The following TTN variants were observed in gnomAD, a reference collection of about 807,000 sequenced individuals.
TTN encodes the protein connectin.
A neutral mutation model predicts 3,223.0 loss-of-function variants in TTN; 1,525 were observed. That is an observed-to-expected ratio of 0.47 (90% CI 0.45 to 0.49). The LOEUF is 0.49. Ranked by LOEUF, TTN falls within the 20% of genes least tolerant of loss-of-function variation. The probability of loss-of-function intolerance (pLI) is 0.00; values close to 1 mark genes in which losing one functional copy is unlikely to be tolerated. For synonymous variants in TTN, 14,094 were observed against 15,161.0 expected (o/e 0.93, Z 5.17); for missense variants, 40,786 against 43,424.0 (o/e 0.94, Z 5.40).
Position 178,719,171 on chromosome 2 carries a change from A to C in TTN, c.24219T>G (p.Thr8073=). ...TTATCCTTGCACACTGACCTTGCACAGTCAGGACTGCTGAGCACTCATCGG... is the reference window on the plus strand; with the variant it reads ...TTATCCTTGCACACTGACCTTGCACCGTCAGGACTGCTGAGCACTCATCGG... ...AGSDECSAVL[T]VQEPPSFEQT... Residue 8073 remains threonine, a synonymous_variant, in exon 83 of 363, where the codon ACT becomes ACG. Transcript: ENST00000589042. 6.2e-7 allele frequency: 1 copy of C among 1,611,698 alleles called. No individual in the cohort carries two copies. Among genetic ancestry groups the C allele is most frequent in the Non-Finnish European group, 8.5e-7 (1 of 1,178,148 alleles).
chr2:178,613,112 G>A (rs2056651603), intron 264 of TTN, 40 bp from the exon 265 acceptor site: 1 of 1,610,884 alleles, frequency 6.2e-7, no homozygotes. Context: ...TTGTCAAAAA[G>A]GAGTTCATAT....
Position 178,573,030 on chromosome 2 carries a change from C to T in TTN, c.73102G>A (p.Asp24368Asn). The T allele has an allele frequency of 1.2e-6, 2 of 1,613,106 alleles. No individual in the cohort carries two copies. The highest frequency in any genetic ancestry group is 2.7e-5 in the African/African-American group (2 of 75,006). Residue 24368 changes from aspartate to asparagine, a missense_variant, in exon 326 of 363, where the codon GAT becomes AAT. Coordinates refer to ENST00000589042, the MANE Select transcript of TTN (RefSeq NM_001267550.2). ...GGTGGAGTGACAATCTGCCATTCAT[C>T]TTCCTCTGGCAGGGCAATCTCAACC... ...YMVEIALPEE[D>N]EWQIVTPPAG...
chr2:178,617,969 G>C lies in TTN; in HGVS notation c.47382C>G (p.Val15794=). 2 of 1,612,628 alleles carry C rather than the reference G, an allele frequency of 1.2e-6. No individual in the cohort carries two copies. The highest frequency in any genetic ancestry group is 1.7e-6 in the Non-Finnish European group (2 of 1,179,114). The change falls in exon 253 of 363, where the codon GTC becomes GTG. Residue 15794 remains valine (V), a synonymous_variant. Transcript: ENST00000589042. ...YDGGAEITNY[V]IELRDKTSIR... ...TAGAAGTCTTGTCTCTTAATTCAATGACGTAGTTTGTGATCTCAGCACCTC... is the reference window on the plus strand; with the variant it reads ...TAGAAGTCTTGTCTCTTAATTCAATCACGTAGTTTGTGATCTCAGCACCTC...
In TTN at chr2:178,675,786, A is replaced by G. The variant is rs1209738108; in HGVS notation, c.34454-32T>C. 2.0e-6 allele frequency: 3 copies of G among 1,502,564 alleles called. No homozygotes were observed. In the East Asian group the frequency reaches 7.4e-5, roughly 37 times the overall value. 93.1% of individuals were successfully genotyped at this position (1,502,564 alleles called of 1,614,324 possible). A position where few individuals can be genotyped will look rare whatever the true frequency, so the allele number is the denominator to read the frequency against. The stretch of plus-strand genomic sequence containing the variant: ...AAATATTATTTTATTTTATAAGTTC[A>G]GTTTCACACACACAAAGACAAGTAG... On this transcript the variant is annotated intron_variant, in intron 148 of 362. Transcript: ENST00000589042.
intron 146 of TTN, 51 bp from the exon 147 acceptor site, chr2:178,677,338 A>G (rs2068311106): frequency 2.7e-6 from 1 of 365,486 alleles, no homozygotes; most frequent in Non-Finnish European, 3.8e-6. Context: ...ACATGGTCAT[A>G]TATATATATA....
At chr2:178,730,021 T>TCGCCCC in intron 62 of TTN, 72 bp downstream of exon 62, 13 of 1,558,030 alleles carry the variant, frequency 8.3e-6, no homozygotes, top group Non-Finnish European at 1.1e-5. Context: ...GTCTTAAGCG[T>TCGCCCC]CCCCCGCCCC....
Position 178,564,489 on chromosome 2 carries a change from C to T in TTN, c.81643G>A (p.Gly27215Ser), listed in dbSNP as rs1704934974. 6.2e-7 allele frequency: 1 copy of T among 1,611,998 alleles called. No homozygotes were observed. Among genetic ancestry groups the T allele is most frequent in the African/African-American group, 1.3e-5 (1 of 74,898 alleles). The change falls in exon 326 of 363, where the codon GGC (glycine) becomes AGC (serine). Residue 27215 changes from glycine to serine, a missense_variant. Gly to Ser is a moderately conservative substitution (Grantham distance 56). Coordinates refer to ENST00000589042, the MANE Select transcript of TTN (RefSeq NM_001267550.2). ...YIVEKKDLPD[G>S]RWMKASFTNV... ...GTAAAGCTGGCTTTCATCCAGCGGCCATCAGGTAGATCTTTCTTTTCTACA... is the reference window on the plus strand; with the variant it reads ...GTAAAGCTGGCTTTCATCCAGCGGCTATCAGGTAGATCTTTCTTTTCTACA...
chr2:178,762,414 T>A lies in TTN; in HGVS notation c.10114+1763A>T, dbSNP rs2089446952. Among the ~76,000 whole-genome samples the A allele has an allele frequency of 2.6e-5, 4 of 152,166 alleles. No individual in the cohort carries two copies. In the South Asian group the frequency reaches 8.3e-4, roughly 31 times the overall value. ...TGGTTATGCAGAAAAGATAGTGAAA[T>A]TTTTCTCTTTCTACCCCAATTGGTG... On this transcript the variant is annotated intron_variant, in intron 43 of 362. Transcript: ENST00000589042.
At chr2:178,767,528 A>G (rs900765039) in intron 40 of TTN, among the ~76,000 whole-genome samples, 17 of 152,220 alleles carry the variant, frequency 1.1e-4, no homozygotes, top group African/African-American at 4.1e-4. Flanking sequence ...AAATTTCTAC[A>G]GCTGCTTTAA....
intron 47 of TTN, chr2:178,747,884 TC>T (rs1235660004): frequency 6.2e-7 from 1 of 1,613,154 alleles, no homozygotes; most frequent in Admixed American, 1.7e-5. Flanking sequence ...ATTCTGTTGT[TC>T]TTCAGTCATC....
rs727504736 is a variant in TTN at position 178,723,556 on chromosome 2, G to T, written c.21544C>A (p.Arg7182=). The change falls in exon 74 of 363, where the codon CGG becomes AGG. Residue 7182 remains arginine, a synonymous_variant. Coordinates refer to ENST00000589042, the MANE Select transcript of TTN (RefSeq NM_001267550.2). ...GTGTCTTCAAAATAGATGTTGCACC[G>T]GTCTCCTTTCACTAGTTCTCTGGCA... ...RGARELVKGD[R]CNIYFEDTVA... is the part of the protein sequence containing the mutation. The T allele has an allele frequency of 1.2e-6, 2 of 1,613,304 alleles. No homozygotes were observed. The highest frequency in any genetic ancestry group is 1.7e-6 in the Non-Finnish European group (2 of 1,179,556).
At chr2:178,770,031 A>G in intron 36 of TTN, 29 bp downstream of exon 36, 1 of 1,614,186 alleles carries the variant, frequency 6.2e-7, no homozygotes. Context: ...CATTAAGGAA[A>G]GGGCTGTAGG....
chr2:178,791,897 T>A (rs994068831), intron 10 of TTN, among the ~76,000 whole-genome samples, 175 bp downstream of exon 10: 1 of 152,148 alleles, frequency 6.6e-6, no homozygotes, highest in Non-Finnish European at 1.5e-5. Flanking sequence ...TGGAAAATAG[T>A]GCAATGTGAA....
intron 189 of TTN, 67 bp downstream of exon 189, chr2:178,657,430 TA>T: frequency 1.2e-6 from 1 of 818,602 alleles, no homozygotes. Flanking sequence ...TATATATATA[TA>T]AAAAGAAAAA....
intron 47 of TTN, chr2:178,744,394 C>A: frequency 1.0e-6 from 1 of 984,410 alleles, no homozygotes; most frequent in Non-Finnish European, 1.2e-6. Context: ...TCCTACCCTT[C>A]ATTTTCAGAA....
In TTN at chr2:178,768,847, T is replaced by C. The variant is rs879242806; in HGVS notation, c.8989A>G (p.Ile2997Val). 14 of 1,614,124 alleles carry C rather than the reference T, an allele frequency of 8.7e-6. No individual in the cohort carries two copies. The highest frequency in any genetic ancestry group is 2.2e-5 in the East Asian group (1 of 44,842). The change falls in exon 38 of 363, where the codon ATC becomes GTC. Residue 2997 changes from isoleucine to valine, a missense_variant. Transcript: ENST00000589042. ...TFEVTVNYEG[I>V]SYKWLKNGVE... ...CCATTCTTTAACCATTTGTAAGAGA[T>C]GCCTTCATAGTTCACTGTCACCTCA...
Position 178,756,595 on chromosome 2 carries a change from A to T in TTN, c.10881T>A (p.Val3627=), listed in dbSNP as rs2154334986. Residue 3627 remains valine (V), a synonymous_variant, in exon 46 of 363, where the codon GTT becomes GTA. Transcript: ENST00000589042. ...CAGTATGGCACAACTGTGTATCTTG[A>T]ACAGATGCAGCTGTGTGGATGGAAC... The part of the protein sequence containing the change: ...SQSSIHTAAS[V]QDTQLCHTAS... 2 of 1,613,134 alleles carry T rather than the reference A, an allele frequency of 1.2e-6. No individual in the cohort carries two copies. The highest frequency in any genetic ancestry group is 2.2e-5 in the East Asian group (1 of 44,848).
chr2:178,594,968 C>A lies in TTN; in HGVS notation c.57848-322G>T, dbSNP rs375733372. Among the ~76,000 whole-genome samples the A allele has an allele frequency of 5.3e-5, 8 of 152,100 alleles. No individual in the cohort carries two copies. The South Asian group carries it at 8.3e-4, about 16-fold the overall frequency. On this transcript the variant is annotated intron_variant, in intron 295 of 362. Coordinates refer to ENST00000589042, the MANE Select transcript of TTN (RefSeq NM_001267550.2). ...ATTAAGTGGGAAATTAAAAAAAAAT[C>A]TGTGAGGTATAGATGGAAGAAATTT...
In TTN at chr2:178,620,438, T is replaced by C; in HGVS notation, c.46083A>G (p.Lys15361=). The C allele has an allele frequency of 6.2e-7, 1 of 1,612,364 alleles. No individual in the cohort carries two copies. The highest frequency in any genetic ancestry group is 1.1e-5 in the South Asian group (1 of 91,004). The change falls in exon 248 of 363, where the codon AAA becomes AAG. Residue 15361 remains lysine (K), a synonymous_variant. Coordinates refer to ENST00000589042, the MANE Select transcript of TTN (RefSeq NM_001267550.2). ...CACCTTCATCTGGGAAGCCACAGTCTTTAATGGTTAACATGTGCTTGTACT... is the reference window on the plus strand; with the variant it reads ...CACCTTCATCTGGGAAGCCACAGTCCTTAATGGTTAACATGTGCTTGTACT... The part of the protein sequence containing the change: ...VDKYKHMLTI[K]DCGFPDEGEY...
Sources: allele counts gnomAD v4.1 joint callset (sites outside exome capture counted in the v4.1 genomes callset), GRCh38; gene constraint gnomAD v4.1.1; transcripts MANE v1.5; gene names NCBI Gene and HGNC (gene_info 2026-07-23, HGNC 2026-07-21).